NOS3: variants seen among roughly 807,000 people sequenced by gnomAD.
NOS3 encodes the protein NOS type III.
Under a neutral mutation model 144.9 loss-of-function variants are expected in NOS3, and 98 were observed. The ratio of observed to expected loss-of-function variants is 0.68; its 90% confidence interval spans 0.57 to 0.80. The LOEUF (loss-of-function observed/expected upper bound fraction) is 0.80, where lower values mean the gene tolerates loss of function less well. NOS3 is among the 30% of genes least tolerant of loss of function. The pLI is 0.00. For synonymous variants in NOS3, 714 were observed against 702.4 expected (o/e 1.02, Z -0.26); for missense variants, 1,465 against 1,656.4 (o/e 0.88, Z 2.01).
At position 150,998,635 on chromosome 7, in the gene NOS3, G is replaced by A. The variant is rs1802491408; in HGVS notation, c.771G>A (p.Gln257=). The change falls in exon 7 of 27, where the codon CAG becomes CAA. Residue 257 remains glutamine, a synonymous_variant. Transcript: ENST00000297494. The surrounding 1 kb of genome is among the most constrained non-coding windows in gnomAD (Gnocchi z 5.0). ...QLVRYAGYRQ[Q]DGSVRGDPAN... is the part of the protein sequence containing the mutation. ...TGCGCTACGCGGGCTACCGGCAGCA[G>A]GATGGCTCTGTGCGGGGGGACCCAG... 1 of 1,609,460 alleles carries A rather than the reference G, an allele frequency of 6.2e-7. No individual in the cohort carries two copies. Among genetic ancestry groups the A allele is most frequent in the Non-Finnish European group, 8.5e-7 (1 of 1,179,036 alleles).
intron 2 of NOS3, 122 bp downstream of exon 2, chr7:150,994,083 G>A (rs916247985): frequency 1.9e-6 from 2 of 1,035,478 alleles, no homozygotes; most frequent in Non-Finnish European, 2.8e-6. Context: ...AATGCAAAAG[G>A]GCTATTAATG....
intron 9 of NOS3, 108 bp from the exon 10 acceptor site, chr7:151,000,390 C>T (rs999163280): frequency 5.3e-6 from 4 of 749,762 alleles, no homozygotes; most frequent in Non-Finnish European, 9.3e-6. Context: ...CAATGGACAC[C>T]ACTCACCTCA....
intron 25 of NOS3, 84 bp from the exon 26 acceptor site, chr7:151,013,640 C>G (rs1381135493): frequency 7.7e-7 from 1 of 1,297,692 alleles, no homozygotes; most frequent in East Asian, 2.7e-5. Context: ...CGGAGACTTT[C>G]ACGTCCAGGG....
chr7:151,000,789 G>A (rs541431534), intron 10 of NOS3, among the ~76,000 whole-genome samples, 190 bp downstream of exon 10: 19 of 152,258 alleles, frequency 1.2e-4, no homozygotes, highest in Middle Eastern at 3.4e-3. Context: ...TATTCCAGGC[G>A]CTGTCATCTG....
At chr7:150,991,946 A>G (rs1802262917) in intron 1 of NOS3, among the ~76,000 whole-genome samples, 1 of 151,630 alleles carries the variant, frequency 6.6e-6, no homozygotes, top group Non-Finnish European at 1.5e-5. Context: ...CAGTGAGCTG[A>G]GATAGCACCA....
chr7:150,994,475 A>G (rs1165560864), intron 2 of NOS3, among the ~76,000 whole-genome samples: 3 of 152,200 alleles, frequency 2.0e-5, no homozygotes, highest in Non-Finnish European at 4.4e-5. Context: ...CTGAGAAGAC[A>G]GAGCCACCAG....
At position 151,014,366 on chromosome 7, in the gene NOS3, C is replaced by G; in HGVS notation, c.*197C>G. The G allele has an allele frequency of 1.7e-6, 1 of 597,352 alleles. No homozygotes were observed. The highest frequency in any genetic ancestry group is 3.0e-5 in the East Asian group (1 of 33,676). The allele number at this position is 597,352 out of a possible 1,614,324, so 37.0% of individuals were successfully genotyped here. ...CCTCTCTAGGCCTGTTGCCTCGGGC[C>G]TGGGTCCGCCTTAATCTGGAAGGCC... is the stretch of plus-strand genomic sequence containing the variant. On this transcript the variant is annotated 3_prime_UTR_variant, in exon 27 of 27. Coordinates refer to ENST00000297494, the MANE Select transcript of NOS3 (RefSeq NM_000603.5).
intron 17 of NOS3, 45 bp downstream of exon 17, chr7:151,007,321 G>A: frequency 6.6e-7 from 1 of 1,524,264 alleles, no homozygotes; most frequent in South Asian, 1.2e-5. Flanking sequence ...CCCCTGGGAT[G>A]CCTCCTCCTG....
Position 151,007,245 on chromosome 7 carries a change from C to G in NOS3, c.2081C>G (p.Ala694Gly), listed in dbSNP as rs1390448535. ...QGDELCGQEE[A>G]FRGWAQAAFQ... is the part of the protein sequence containing the mutation. ...GACGAGCTGTGCGGCCAGGAGGAGGCCTTCCGAGGCTGGGCCCAGGCTGCC... is the reference window on the plus strand; with the variant it reads ...GACGAGCTGTGCGGCCAGGAGGAGGGCTTCCGAGGCTGGGCCCAGGCTGCC... The change falls in exon 17 of 27, where the codon GCC becomes GGC. Residue 694 changes from alanine (A) to glycine (G), a missense_variant. By Grantham distance (60) the Ala-to-Gly change is moderately conservative. Transcript: ENST00000297494. 1 of 1,605,220 alleles carries G rather than the reference C, an allele frequency of 6.2e-7. No individual in the cohort carries two copies.
chr7:151,003,297 T>C lies in NOS3; in HGVS notation c.1752+993T>C. On this transcript the variant is annotated intron_variant, in intron 14 of 26. Coordinates refer to ENST00000297494, the MANE Select transcript of NOS3 (RefSeq NM_000603.5). The surrounding 1 kb of genome is among the most constrained non-coding windows in gnomAD (Gnocchi z 4.1). ...CATGCCATGATGCCTAGCTAATTTT[T>C]GTATTTTTTATAGAGATGGGGTTTC... is the stretch of plus-strand genomic sequence containing the variant. 1 of 540,492 alleles carries C rather than the reference T, an allele frequency of 1.9e-6. No individual in the cohort carries two copies. The highest frequency in any genetic ancestry group is 3.3e-6 in the Non-Finnish European group (1 of 307,370). 33.5% of individuals were successfully genotyped at this position (540,492 alleles called of 1,614,324 possible). A position where few individuals can be genotyped will look rare whatever the true frequency, so the allele number is the denominator to read the frequency against.
At chr7:151,013,956 C>G (rs1367221619) in intron 26 of NOS3, 38 bp downstream of exon 26, 2 of 1,603,958 alleles carry the variant, frequency 1.2e-6, no homozygotes, top group East Asian at 4.5e-5. Context: ...GTGCGGGGTT[C>G]CTGCTAAGGT....
chr7:151,014,241 C>T lies in NOS3; in HGVS notation c.*72C>T. ...CTCAGGTCCGCCCGACCAGGATCAG[C>T]CCCGCTCCTCCCCTCTTGAGGTGGT... On this transcript the variant is annotated 3_prime_UTR_variant, in exon 27 of 27. Coordinates refer to ENST00000297494, the MANE Select transcript of NOS3 (RefSeq NM_000603.5). The T allele has an allele frequency of 7.1e-7, 1 of 1,406,926 alleles. No individual in the cohort carries two copies. Among genetic ancestry groups the T allele is most frequent in the Non-Finnish European group, 9.6e-7 (1 of 1,041,158 alleles). The allele number at this position is 1,406,926 out of a possible 1,614,324, so 87.2% of individuals were successfully genotyped here.
rs1313693088 is a variant in NOS3 at position 151,003,733 on chromosome 7, G to A, written c.1752+1429G>A. The A allele has an allele frequency of 6.2e-6, 3 of 485,680 alleles. No individual in the cohort carries two copies. Among genetic ancestry groups the A allele is most frequent in the South Asian group, 3.1e-5 (2 of 64,792 alleles). The allele number at this position is 485,680 out of a possible 1,614,324, so 30.1% of individuals were successfully genotyped here. A position where few individuals can be genotyped will look rare whatever the true frequency, so the allele number is the denominator to read the frequency against. On this transcript the variant is annotated intron_variant, in intron 14 of 26. Transcript: ENST00000297494. This position sits in a 1 kb window ranked among gnomAD's most constrained non-coding sequence, Gnocchi z 4.1. ...TAGAACGGCACCTAGATGGAAGCAC[G>A]CAGTGTTGCGGCGTCTCCTGCTGAG... is the stretch of plus-strand genomic sequence containing the variant.
chr7:151,010,060 G>A, intron 20 of NOS3, 55 bp from the exon 21 acceptor site: 1 of 1,105,222 alleles, frequency 9.0e-7, no homozygotes. Flanking sequence ...CATCAGCCCA[G>A]GTACTGCAGT....
At chr7:151,004,835 G>T (rs1353382007) in intron 14 of NOS3, among the ~76,000 whole-genome samples, 1 of 138,728 alleles carries the variant, frequency 7.2e-6, no homozygotes. Flanking sequence ...TAGGATGCGG[G>T]TAATGTTTGT....
chr7:151,003,551 A>T lies in NOS3; in HGVS notation c.1752+1247A>T. 7.8e-7 allele frequency: 1 copy of T among 1,287,006 alleles called. No individual in the cohort carries two copies. The highest frequency in any genetic ancestry group is 1.3e-5 in the South Asian group (1 of 78,466). 79.7% of individuals were successfully genotyped at this position (1,287,006 alleles called of 1,614,324 possible). A position where few individuals can be genotyped will look rare whatever the true frequency, so the allele number is the denominator to read the frequency against. Reference sequence around the variant, plus strand: ...CCAGCAATTGACTTTTTTTTAGCATAAAGGTGTATAGACACCCATATAACC... The same window carrying T: ...CCAGCAATTGACTTTTTTTTAGCATTAAGGTGTATAGACACCCATATAACC... On this transcript the variant is annotated intron_variant, in intron 14 of 26. Transcript: ENST00000297494. The surrounding 1 kb of genome is among the most constrained non-coding windows in gnomAD (Gnocchi z 4.1).
Position 151,001,899 on chromosome 7 carries a change from G to T in NOS3, c.1581G>T (p.Glu527Asp). The T allele has an allele frequency of 6.2e-7, 1 of 1,613,692 alleles. No individual in the cohort carries two copies. Among genetic ancestry groups the T allele is most frequent in the Non-Finnish European group, 8.5e-7 (1 of 1,180,028 alleles). The change falls in exon 13 of 27, where the codon GAG becomes GAT. Residue 527 changes from glutamate (E) to aspartate (D), a missense_variant. This residue lies in a region of NOS3 where 745 missense variants were observed against 853.9 expected (regional missense o/e 0.87). Transcript: ENST00000297494. ...AGGCGACAATCCTGTATGGCTCCGA[G>T]ACCGGCCGGGCCCAGAGCTACGCAC... ...RVKATILYGS[E>D]TGRAQSYAQQ...
intron 24 of NOS3, chr7:151,012,877 C>A: frequency 2.9e-6 from 1 of 348,490 alleles, no homozygotes. Flanking sequence ...AAGAAGAGGG[C>A]TGTGACTGGG....
rs911286898 is a variant in NOS3 at position 151,006,786 on chromosome 7, G to A, written c.1821-103G>A. The A allele has an allele frequency of 1.6e-5, 15 of 953,424 alleles. 1 individual carries two copies. Among genetic ancestry groups the A allele is most frequent in the Non-Finnish European group, 2.0e-5 (12 of 599,838 alleles). 59.1% of individuals were successfully genotyped at this position (953,424 alleles called of 1,614,324 possible). On this transcript the variant is annotated intron_variant, in intron 15 of 26. Coordinates refer to ENST00000297494, the MANE Select transcript of NOS3 (RefSeq NM_000603.5). ...CCCTCCCAAGGGCAGGGCCTTTCCT[G>A]TCCCAGAGGCAGAGACCCTGAAGCC...
Sources: gnomAD v4.1 joint callset for allele counts (sites outside exome capture counted in the v4.1 genomes callset) on GRCh38, gnomAD v4.1.1 for gene constraint, gnomAD v4.1.1 regional missense constraint, Gnocchi (gnomAD v3.1) non-coding constraint, MANE v1.5 for transcripts, NCBI Gene and HGNC (gene_info 2026-07-23, HGNC 2026-07-21) for gene names.